GARNL3: variants seen among roughly 807,000 people sequenced by gnomAD.
The protein encoded by GARNL3 is GTPase-activating Rap/Ran-GAP domain-like protein 3.
Under a neutral mutation model 125.0 loss-of-function variants are expected in GARNL3, and 63 were observed. The ratio of observed to expected loss-of-function variants is 0.50; its 90% CI spans 0.41 to 0.62. GARNL3 has a LOEUF of 0.62. GARNL3 is among the 20% of genes least tolerant of loss of function. The pLI is 0.00. For missense variants in GARNL3, 994 were observed against 1,244.0 expected (o/e 0.80, Z 3.02); for synonymous variants, 439 against 457.5 (o/e 0.96, Z 0.52).
chr9:127,231,046 A>ATTTTT (rs1400588484), intron 1 of GARNL3, among the ~76,000 whole-genome samples: 1 of 45,250 alleles, frequency 2.2e-5, no homozygotes, highest in East Asian at 4.3e-4. Context: ...ATATATATAT[A>ATTTTT]TATATTTTTT....
At position 127,340,944 on chromosome 9, in the gene GARNL3, A is replaced by G. The variant is rs375940383; in HGVS notation, c.1135+1193A>G. 1.1e-3 allele frequency among the ~76,000 whole-genome samples: 165 copies of G among 152,264 alleles called. 2 individuals carry two copies. The South Asian group carries it at 0.033, about 31-fold the overall frequency. On this transcript the variant is annotated intron_variant, in intron 13 of 27. Transcript: ENST00000373387. ...CACCAGAAACATCCAAGTCCTGGCC[A>G]GGCTGTTTGGTAGCCTCTCTTCCAT...
intron 9 of GARNL3, 87 bp downstream of exon 9, chr9:127,333,208 G>T: frequency 9.6e-7 from 1 of 1,039,332 alleles, no homozygotes; most frequent in South Asian, 1.3e-5. Flanking sequence ...TACCAGAGAA[G>T]GGGGAAGGGA....
rs1006947364 is a variant in GARNL3, at chr9:127,354,430, G to A, written c.1759+20G>A. 1.1e-5 allele frequency: 15 copies of A among 1,373,424 alleles called. No homozygotes were observed. Among genetic ancestry groups the A allele is most frequent in the Non-Finnish European group, 1.4e-5 (14 of 981,926 alleles). 85.1% of individuals were successfully genotyped at this position (1,373,424 alleles called of 1,614,324 possible). ...CAAAAGGTGACTTGATAGATTGGTA[G>A]ATTCCATTCGATTCGTTTTTTTTTT... is the stretch of plus-strand genomic sequence containing the variant. On this transcript the variant is annotated intron_variant, in intron 19 of 27. Transcript: ENST00000373387.
intron 1 of GARNL3, among the ~76,000 whole-genome samples, chr9:127,267,072 T>C (rs1588714306): frequency 6.6e-6 from 1 of 152,292 alleles, no homozygotes. Context: ...CAGATTGATA[T>C]TGATATTGCT....
chr9:127,296,063 C>A (rs1408341945), intron 2 of GARNL3, among the ~76,000 whole-genome samples: 1 of 152,192 alleles, frequency 6.6e-6, no homozygotes, highest in African/African-American at 2.4e-5. Context: ...CAACCTAGAT[C>A]CCTCGCATGT....
At chr9:127,349,766 G>A (rs1830327744) in intron 17 of GARNL3, among the ~76,000 whole-genome samples, 2 of 152,144 alleles carry the variant, frequency 1.3e-5, no homozygotes, top group African/African-American at 4.8e-5. Context: ...GTTGTCTCCT[G>A]GGCTTCAGAG....
chr9:127,319,436 C>G (rs1008241560), intron 5 of GARNL3, among the ~76,000 whole-genome samples: 1 of 151,782 alleles, frequency 6.6e-6, no homozygotes, highest in Non-Finnish European at 1.5e-5. Context: ...GAGCTGAGAC[C>G]ATGCTATTGC....
At chr9:127,241,175 G>C (rs1017527689) in intron 1 of GARNL3, among the ~76,000 whole-genome samples, 1 of 152,102 alleles carries the variant, frequency 6.6e-6, no homozygotes, top group African/African-American at 2.4e-5. Context: ...AGTCTCACTG[G>C]GTTTCTTCTC....
At position 127,294,133 on chromosome 9, in the gene GARNL3, C is replaced by G. The variant is rs372131113; in HGVS notation, c.219+2891C>G. On this transcript the variant is annotated intron_variant, in intron 2 of 27. Coordinates refer to ENST00000373387, the MANE Select transcript of GARNL3 (RefSeq NM_032293.5). ...TACCCCAGTGGGTCTTGGGATTTGA[C>G]TCTTTGTCCCCAACAAGGTCACCAA... 3.7e-4 allele frequency among the ~76,000 whole-genome samples: 56 copies of G among 152,298 alleles called. 2 individuals are homozygous for G. The East Asian group carries it at 6.9e-3, about 19-fold the overall frequency.
At chr9:127,276,332 T>C (rs2063955755) in intron 1 of GARNL3, among the ~76,000 whole-genome samples, 1 of 152,046 alleles carries the variant, frequency 6.6e-6, no homozygotes, top group Non-Finnish European at 1.5e-5. Context: ...TCTTGACATC[T>C]CCATACTATC....
rs1479286521 is a variant in GARNL3 at position 127,291,153 on chromosome 9, C to A, written c.145-15C>A. ...ATTGTAAATGCTTCCTAATTGAATG[C>A]TTTTTCCCCCCTAGCTTATTTCCAG... is the stretch of plus-strand genomic sequence containing the variant. On this transcript the variant is annotated splice_polypyrimidine_tract_variant and intron_variant, in intron 1 of 27. Transcript: ENST00000373387. 6.2e-7 allele frequency: 1 copy of A among 1,613,258 alleles called. No homozygotes were observed. The highest frequency in any genetic ancestry group is 8.5e-7 in the Non-Finnish European group (1 of 1,179,290).
rs539158883 is a variant in GARNL3 at position 127,265,713 on chromosome 9, T to C, written c.144+692T>C. On this transcript the variant is annotated intron_variant, in intron 1 of 27. Transcript: ENST00000373387. ...GAACAAATTTTCAGAAATGTGCTCA[T>C]AAAATTATATTGATTATTATTTAAC... 1.2e-4 allele frequency among the ~76,000 whole-genome samples: 18 copies of C among 152,362 alleles called. No individual in the cohort carries two copies. The South Asian group carries it at 2.1e-3, about 18-fold the overall frequency.
At chr9:127,306,827 G>A (rs1362043439) in intron 2 of GARNL3, among the ~76,000 whole-genome samples, 4 of 152,068 alleles carry the variant, frequency 2.6e-5, no homozygotes, top group African/African-American at 4.8e-5. Flanking sequence ...ACAGGTTGCA[G>A]TGAGCCAAGA....
intron 2 of GARNL3, among the ~76,000 whole-genome samples, chr9:127,306,572 A>G (rs2064960581): frequency 6.6e-6 from 1 of 152,054 alleles, no homozygotes; most frequent in East Asian, 1.9e-4. Flanking sequence ...CTAAAAATAC[A>G]AAAAATTAGC....
At chr9:127,356,433 G>A (rs1438225931) in intron 20 of GARNL3, 2 of 152,294 alleles carry the variant, frequency 1.3e-5, no homozygotes, top group East Asian at 1.9e-4. Flanking sequence ...TTAAAGACTA[G>A]GGTACATTAA....
At chr9:127,265,085 T>C in intron 1 of GARNL3, 64 bp downstream of exon 1, 1 of 1,411,536 alleles carries the variant, frequency 7.1e-7, no homozygotes, top group Non-Finnish European at 9.7e-7. Flanking sequence ...ATTGCCAAGC[T>C]CATCAGATCT....
At chr9:127,381,584 C>T (rs145493018) in intron 22 of GARNL3, among the ~76,000 whole-genome samples, 44 of 151,722 alleles carry the variant, frequency 2.9e-4, no homozygotes, top group Non-Finnish European at 5.3e-4. Context: ...TATCTAGCTT[C>T]TAGCTTTTCT....
chr9:127,386,285 T>C (rs910386864), intron 24 of GARNL3, among the ~76,000 whole-genome samples: 1 of 152,256 alleles, frequency 6.6e-6, no homozygotes, highest in Non-Finnish European at 1.5e-5. Flanking sequence ...CTGAAACTTC[T>C]TTCAGCTTCT....
chr9:127,321,384 C>T (rs1456960630), intron 6 of GARNL3, among the ~76,000 whole-genome samples: 1 of 152,222 alleles, frequency 6.6e-6, no homozygotes, highest in Non-Finnish European at 1.5e-5. Flanking sequence ...CCCAAAGGTG[C>T]TGAGATTACA....
Sources: allele counts gnomAD v4.1 joint callset (sites outside exome capture counted in the v4.1 genomes callset), GRCh38; gene constraint gnomAD v4.1.1; transcripts MANE v1.5; gene names NCBI Gene and HGNC (gene_info 2026-07-23, HGNC 2026-07-21).